CPAMD8: variants seen among roughly 807,000 people sequenced by gnomAD.
CPAMD8 encodes the protein C3 and PZP like alpha-2-macroglobulin domain containing 8.
In CPAMD8, 146 loss-of-function variants were observed where a neutral mutation model predicts 224.7. That is an observed-to-expected ratio of 0.65 (90% CI 0.57 to 0.75). The LOEUF (loss-of-function observed/expected upper bound fraction) is 0.75. CPAMD8 is among the 30% of genes least tolerant of loss of function. The pLI is 0.00. For missense variants in CPAMD8, 2,301 were observed against 2,537.5 expected (o/e 0.91, Z 2.00); for synonymous variants, 966 against 1,044.6 (o/e 0.92, Z 1.45).
chr19:16,975,204 C>T lies in CPAMD8; in HGVS notation c.1963G>A (p.Glu655Lys), dbSNP rs1173529884. 33 of 1,610,980 alleles carry T rather than the reference C, an allele frequency of 2.0e-5. No individual in the cohort carries two copies. Among genetic ancestry groups the T allele is most frequent in the Non-Finnish European group, 2.7e-5 (32 of 1,178,604 alleles). ...DVSDSFGVSREDGPFWWAGLT... is the reference protein window; with the variant it reads ...DVSDSFGVSRKDGPFWWAGLT... ...CCAGCCCACCAAAAAGGACCATCCT[C>T]CCTGGACACGCCAAAGGAATCAGAA... The change falls in exon 17 of 42, where the codon GAG becomes AAG. Residue 655 changes from glutamate (E) to lysine (K), a missense_variant. Coordinates refer to ENST00000443236, the MANE Select transcript of CPAMD8 (RefSeq NM_015692.5).
intron 14 of CPAMD8, 148 bp from the exon 15 acceptor site, chr19:16,977,688 C>T: frequency 3.3e-6 from 2 of 597,406 alleles, no homozygotes; most frequent in South Asian, 4.6e-5. Context: ...AGATGCCCTT[C>T]CCAGGCTACA....
At chr19:17,026,510 C>G in intron 1 of CPAMD8, 41 bp downstream of exon 1, 1 of 1,458,860 alleles carries the variant, frequency 6.9e-7, no homozygotes, top group Non-Finnish European at 9.0e-7. Flanking sequence ...ACCCCCACCC[C>G]AGAAGGCGAC....
At chr19:16,944,326 T>C (rs1168975172) in intron 22 of CPAMD8, among the ~76,000 whole-genome samples, 3 of 152,192 alleles carry the variant, frequency 2.0e-5, no homozygotes, top group African/African-American at 7.2e-5. Context: ...TGCCTGTATC[T>C]TTCCCCAGAG....
chr19:16,974,709 G>A (rs1007640721), intron 17 of CPAMD8, among the ~76,000 whole-genome samples: 8 of 152,142 alleles, frequency 5.3e-5, no homozygotes, highest in Non-Finnish European at 1.0e-4. Flanking sequence ...GCTCATGCTT[G>A]TAATCCTAAC....
intron 22 of CPAMD8, among the ~76,000 whole-genome samples, chr19:16,943,337 G>A (rs116541042): frequency 2.4e-3 from 366 of 151,982 alleles, no homozygotes; most frequent in African/African-American, 8.2e-3. Context: ...TCTTTCACTC[G>A]GTATCACGTT....
chr19:16,964,888 G>A lies in CPAMD8; in HGVS notation c.2213+6003C>T, dbSNP rs141545049. Reference sequence around the variant, plus strand: ...CTCTGGGATGCAAGCCTGGTTCAACGTACACAAATCAATAAACGAAATCCA... The same window carrying A: ...CTCTGGGATGCAAGCCTGGTTCAACATACACAAATCAATAAACGAAATCCA... On this transcript the variant is annotated intron_variant, in intron 18 of 41. Transcript: ENST00000443236. 8.0e-3 allele frequency among the ~76,000 whole-genome samples: 1,219 copies of A among 152,158 alleles called. 25 individuals are homozygous for A. The highest frequency in any genetic ancestry group is 0.027 in the African/African-American group (1,134 of 41,502).
At position 16,908,482 on chromosome 19, in the gene CPAMD8, C is replaced by A. The variant is rs377370665; in HGVS notation, c.3862-1365G>T. Among the ~76,000 whole-genome samples the A allele has an allele frequency of 1.3e-4, 20 of 152,324 alleles. No individual in the cohort carries two copies. In the East Asian group the frequency reaches 2.3e-3, roughly 18 times the overall value. ...GAAGCCCACCAGCCCTGCTCATGCC[C>A]TCCCTAGAATGTGATCTGTTGGAAG... On this transcript the variant is annotated intron_variant, in intron 29 of 41. Coordinates refer to ENST00000443236, the MANE Select transcript of CPAMD8 (RefSeq NM_015692.5).
At chr19:16,977,590 T>G in intron 14 of CPAMD8, 50 bp from the exon 15 acceptor site, 1 of 1,430,052 alleles carries the variant, frequency 7.0e-7, no homozygotes, top group Non-Finnish European at 9.4e-7. Context: ...GCATCCGACA[T>G]GCAACCTCAG....
chr19:17,016,058 C>T (rs1226110854), intron 3 of CPAMD8, among the ~76,000 whole-genome samples: 2 of 152,182 alleles, frequency 1.3e-5, no homozygotes, highest in African/African-American at 4.8e-5. Context: ...ATCCTCCTAC[C>T]TTGGCCTACT....
intron 30 of CPAMD8, among the ~76,000 whole-genome samples, chr19:16,906,378 C>CTTTCTT (rs2052498527): frequency 1.4e-5 from 1 of 71,586 alleles, no homozygotes. Context: ...TTCTTTCTTT[C>CTTTCTT]TTTCTTTCTT....
intron 11 of CPAMD8, among the ~76,000 whole-genome samples, chr19:16,994,131 T>C (rs1457231433): frequency 1.3e-5 from 2 of 152,144 alleles, no homozygotes; most frequent in Admixed American, 6.6e-5. Context: ...TAAATGAAGT[T>C]GCATCCCTAC....
chr19:16,952,345 C>T (rs1271861676), intron 19 of CPAMD8, 145 bp from the exon 20 acceptor site: 12 of 628,746 alleles, frequency 1.9e-5, no homozygotes, highest in South Asian at 3.6e-5. Context: ...ATCACAAAAG[C>T]GGCAACAGGA....
chr19:17,008,302 G>A (rs2056548665), intron 7 of CPAMD8, among the ~76,000 whole-genome samples: 1 of 152,220 alleles, frequency 6.6e-6, no homozygotes, highest in Non-Finnish European at 1.5e-5. Context: ...GGAAGGTGCT[G>A]TGGGCTGGGC....
rs567211643 is a variant in CPAMD8, at chr19:16,942,348, G to A, written c.2793+3201C>T. Among the ~76,000 whole-genome samples, 45 of 152,136 alleles carry A rather than the reference G, an allele frequency of 3.0e-4. No homozygotes were observed. The Middle Eastern group carries it at 0.01, about 34-fold the overall frequency. On this transcript the variant is annotated intron_variant, in intron 22 of 41. Transcript: ENST00000443236. Reference sequence around the variant, plus strand: ...GTGGTGGTGCATGCCTGTAGTCCCCGCTACTCAGGAGGCTGAGAAAGAAGA... The same window carrying A: ...GTGGTGGTGCATGCCTGTAGTCCCCACTACTCAGGAGGCTGAGAAAGAAGA...
chr19:16,931,985 C>A (rs1030355457), intron 23 of CPAMD8, among the ~76,000 whole-genome samples: 1 of 152,144 alleles, frequency 6.6e-6, no homozygotes, highest in African/African-American at 2.4e-5. Flanking sequence ...GCGACTGTTA[C>A]ACCAAACACC....
In CPAMD8 at chr19:16,902,722, G is replaced by A; in HGVS notation, c.4612C>T (p.Pro1538Ser). 6 of 1,603,980 alleles carry A rather than the reference G, an allele frequency of 3.7e-6. No homozygotes were observed. Among genetic ancestry groups the A allele is most frequent in the Non-Finnish European group, 4.3e-6 (5 of 1,173,568 alleles). Reference protein sequence around the residue: ...AAEGSRGDWPPADDDDPAADQ... With the variant: ...AAEGSRGDWPSADDDDPAADQ... ...GCCGCTGGGTCATCATCGTCAGCTG[G>A]GGGCCAGTCTCCTCGGGAACCCTCA... The change falls in exon 35 of 42, where the codon CCA becomes TCA. Residue 1538 changes from proline (P) to serine (S), a missense_variant. Transcript: ENST00000443236.
intron 18 of CPAMD8, among the ~76,000 whole-genome samples, chr19:16,967,942 C>CACACACACGTGTGTATAT (rs2054916812): frequency 1.6e-5 from 1 of 62,930 alleles, no homozygotes; most frequent in African/African-American, 5.3e-5. Flanking sequence ...TATATATATA[C>CACACACACGTGTGTATAT]ATGTTGCTCT....
At chr19:16,995,601 A>T (rs2122962273) in intron 11 of CPAMD8, among the ~76,000 whole-genome samples, 1 of 152,178 alleles carries the variant, frequency 6.6e-6, no homozygotes, top group South Asian at 2.1e-4. Flanking sequence ...GTATTTCACC[A>T]TGTTGGCCAG....
intron 22 of CPAMD8, among the ~76,000 whole-genome samples, chr19:16,940,832 G>C (rs1457815816): frequency 6.6e-6 from 1 of 152,240 alleles, no homozygotes; most frequent in Non-Finnish European, 1.5e-5. Context: ...CAGAAGCATT[G>C]CTTAGGCCTC....
Sources: gnomAD v4.1 joint callset for allele counts (sites outside exome capture counted in the v4.1 genomes callset) on GRCh38, gnomAD v4.1.1 for gene constraint, MANE v1.5 for transcripts, NCBI Gene and HGNC (gene_info 2026-07-23, HGNC 2026-07-21) for gene names.